The following ZNF385D variants were observed in gnomAD, a reference collection of about 807,000 sequenced individuals.
ZNF385D encodes the protein zinc finger protein 659.
In ZNF385D, 15 loss-of-function variants were observed where a neutral mutation model predicts 35.8. The ratio of observed to expected loss-of-function variants is 0.42; its 90% CI spans 0.28 to 0.64. ZNF385D has a LOEUF of 0.64. Among genes scored for constraint, ZNF385D ranks in the 30% least tolerant of loss-of-function variants. The pLI, the probability that ZNF385D is intolerant of heterozygous loss-of-function variation, is 0.23. For synonymous variants in ZNF385D, 212 were observed against 186.8 expected, an observed-to-expected ratio of 1.13 and a Z score of -1.10; for missense variants, 474 against 494.6, an observed-to-expected ratio of 0.96 and a Z score of 0.39.
intron 3 of ZNF385D, among the ~76,000 whole-genome samples, chr3:22,103,561 C>A (rs1175434977): frequency 2.0e-5 from 3 of 152,030 alleles, no homozygotes; most frequent in Non-Finnish European, 4.4e-5. Flanking sequence ...AGTGGCTTGT[C>A]TGAATTTTGA....
At chr3:22,297,962 G>T (rs972528283) in intron 2 of ZNF385D, among the ~76,000 whole-genome samples, 1 of 151,898 alleles carries the variant, frequency 6.6e-6, no homozygotes, top group African/African-American at 2.4e-5. Context: ...TTTTGTTTGG[G>T]CACAGAGAAA....
intron 3 of ZNF385D, among the ~76,000 whole-genome samples, chr3:21,923,039 A>ATT (rs35608841): frequency 3.9e-5 from 6 of 151,930 alleles, no homozygotes; most frequent in South Asian, 2.1e-4. Context: ...AATGCTTCAC[A>ATT]TTTTTTTATT....
chr3:22,272,116 G>A (rs1701208769), intron 2 of ZNF385D, among the ~76,000 whole-genome samples: 1 of 151,980 alleles, frequency 6.6e-6, no homozygotes, highest in Admixed American at 6.6e-5. Context: ...AAGAGAAGAA[G>A]GCAGTTACTC....
intron 2 of ZNF385D, among the ~76,000 whole-genome samples, chr3:22,229,920 C>G (rs569171468): frequency 6.6e-6 from 1 of 152,190 alleles, no homozygotes; most frequent in Non-Finnish European, 1.5e-5. Flanking sequence ...CAACATTGTA[C>G]TGCCCATTTG....
intron 3 of ZNF385D, among the ~76,000 whole-genome samples, chr3:22,049,494 C>T (rs2593317): frequency 0.37 from 55,590 of 151,610 alleles, 10,363 homozygotes; most frequent in Middle Eastern, 0.45. Context: ...TCCTTCCCAT[C>T]GGATGCCTTT....
intron 3 of ZNF385D, among the ~76,000 whole-genome samples, chr3:22,013,979 T>G (rs937724445): frequency 2.0e-5 from 3 of 152,094 alleles, no homozygotes; most frequent in African/African-American, 7.2e-5. Flanking sequence ...ACTGACCAAA[T>G]GTTTGAGGAA....
chr3:21,612,086 T>C (rs2064698071), intron 2 of ZNF385D, among the ~76,000 whole-genome samples: 1 of 152,034 alleles, frequency 6.6e-6, no homozygotes, highest in Admixed American at 6.6e-5. Flanking sequence ...TCATTATTAT[T>C]ATTATTATTT....
intron 3 of ZNF385D, among the ~76,000 whole-genome samples, chr3:21,560,201 C>G (rs1048974206): frequency 6.6e-6 from 1 of 152,176 alleles, no homozygotes; most frequent in African/African-American, 2.4e-5. Flanking sequence ...TGTTCTCTTA[C>G]TGGCGAGGAG....
chr3:21,427,341 T>C (rs1274580117), intron 5 of ZNF385D, among the ~76,000 whole-genome samples: 1 of 152,220 alleles, frequency 6.6e-6, no homozygotes, highest in Admixed American at 6.5e-5. Context: ...GCTAGTTTAG[T>C]TTATGAATGC....
intron 3 of ZNF385D, among the ~76,000 whole-genome samples, chr3:22,130,071 T>C (rs570911160): frequency 4.7e-4 from 71 of 152,212 alleles, no homozygotes; most frequent in Non-Finnish European, 7.6e-4. Flanking sequence ...CTTCAGGCCA[T>C]TGGAATCCTT....
chr3:21,819,497 A>G (rs2073298657), intron 3 of ZNF385D, among the ~76,000 whole-genome samples: 1 of 151,222 alleles, frequency 6.6e-6, no homozygotes. Context: ...ATTATGTTTT[A>G]AGAAAAAATT....
intron 3 of ZNF385D, among the ~76,000 whole-genome samples, chr3:21,758,187 T>A (rs1367071922): frequency 6.6e-6 from 1 of 152,202 alleles, no homozygotes; most frequent in East Asian, 1.9e-4. Context: ...GGCATTTCCG[T>A]GATCTGTTAA....
chr3:22,071,014 T>A (rs1347894288), intron 3 of ZNF385D, among the ~76,000 whole-genome samples: 2 of 152,152 alleles, frequency 1.3e-5, no homozygotes, highest in African/African-American at 4.8e-5. Flanking sequence ...ACCTGTTCAG[T>A]TGCCAAATCT....
chr3:21,773,135 T>C (rs907853501), intron 3 of ZNF385D, among the ~76,000 whole-genome samples: 2 of 151,884 alleles, frequency 1.3e-5, no homozygotes, highest in Non-Finnish European at 2.9e-5. Flanking sequence ...AAGGTGGTAA[T>C]GGTTGCACAA....
At chr3:22,340,058 A>C (rs1384621342) in intron 2 of ZNF385D, among the ~76,000 whole-genome samples, 7 of 152,220 alleles carry the variant, frequency 4.6e-5, no homozygotes, top group Admixed American at 2.6e-4. Context: ...TCATAGATTC[A>C]ATTAAAAATT....
chr3:21,829,854 G>A (rs1043554069), intron 3 of ZNF385D, among the ~76,000 whole-genome samples: 1 of 151,938 alleles, frequency 6.6e-6, no homozygotes, highest in Admixed American at 6.6e-5. Flanking sequence ...GCCTGACATG[G>A]GGCTTACGCC....
At chr3:21,702,866 A>C (rs558210193) in intron 1 of ZNF385D, among the ~76,000 whole-genome samples, 11 of 152,160 alleles carry the variant, frequency 7.2e-5, no homozygotes, top group Non-Finnish European at 1.5e-4. Flanking sequence ...TCCATCTGAG[A>C]CCACCTCAAC....
chr3:22,257,311 T>C (rs1700366302), intron 2 of ZNF385D, among the ~76,000 whole-genome samples: 2 of 151,864 alleles, frequency 1.3e-5, no homozygotes, highest in South Asian at 2.1e-4. Flanking sequence ...CATTCCTTTT[T>C]ATTTCTTCAA....
At chr3:21,914,125 C>T (rs1343399669) in intron 3 of ZNF385D, among the ~76,000 whole-genome samples, 3 of 151,996 alleles carry the variant, frequency 2.0e-5, no homozygotes, top group Non-Finnish European at 4.4e-5. Context: ...ACATTGGAAG[C>T]ATCTTAAATC....
Sources: allele counts gnomAD v4.1 joint callset (sites outside exome capture counted in the v4.1 genomes callset), GRCh38; gene constraint gnomAD v4.1.1; transcripts MANE v1.5; gene names NCBI Gene and HGNC (gene_info 2026-07-23, HGNC 2026-07-21).